ST7L: variants seen among roughly 807,000 people sequenced by gnomAD.
The protein encoded by ST7L is suppressor of tumorigenicity 7 protein-like.
In ST7L, 57 loss-of-function variants were observed where a neutral mutation model predicts 72.5. The ratio of observed to expected loss-of-function variants is 0.79; its 90% CI spans 0.64 to 0.98. The LOEUF (loss-of-function observed/expected upper bound fraction) is 0.98. ST7L is among the 50% of genes least tolerant of loss of function. The pLI, the probability that ST7L is intolerant of heterozygous loss-of-function variation, is 0.00. For synonymous variants in ST7L, 221 were observed against 240.9 expected (o/e 0.92, Z 0.77); for missense variants, 576 against 672.2 (o/e 0.86, Z 1.58).
In ST7L at chr1:112,618,258, T is replaced by C. The variant is rs185612145; in HGVS notation, c.205+651A>G. ...TCATCACTTCTTACATGTGTTCGTATTGTCAGCACAGAATACGTAGCAAGT... is the reference window on the plus strand; with the variant it reads ...TCATCACTTCTTACATGTGTTCGTACTGTCAGCACAGAATACGTAGCAAGT... On this transcript the variant is annotated intron_variant, in intron 1 of 14. Coordinates refer to ENST00000358039, the MANE Select transcript of ST7L (RefSeq NM_017744.5). 3.6e-5 allele frequency: 39 copies of C among 1,081,224 alleles called. No homozygotes were observed. In the East Asian group the frequency reaches 1.3e-3, roughly 37 times the overall value. 67.0% of individuals were successfully genotyped at this position (1,081,224 alleles called of 1,614,324 possible). A position where few individuals can be genotyped will look rare whatever the true frequency, so the allele number is the denominator to read the frequency against.
intron 6 of ST7L, 162 bp downstream of exon 6, chr1:112,591,363 C>T: frequency 3.4e-6 from 2 of 581,766 alleles, no homozygotes; most frequent in Middle Eastern, 4.6e-4. Context: ...AAGCAAAATA[C>T]AGATGTTGGC....
chr1:112,540,376 A>G, intron 14 of ST7L: 1 of 985,492 alleles, frequency 1.0e-6, no homozygotes. Flanking sequence ...TAGTAAGGTC[A>G]TTTCAGTTTG....
chr1:112,556,909 A>G (rs1659207311), intron 11 of ST7L, among the ~76,000 whole-genome samples: 1 of 135,564 alleles, frequency 7.4e-6, no homozygotes, highest in Non-Finnish European at 1.5e-5. Context: ...CGGAGGTTGC[A>G]GTGAGCCGAG....
At chr1:112,605,929 C>G (rs1385640433) in intron 3 of ST7L, among the ~76,000 whole-genome samples, 1 of 152,210 alleles carries the variant, frequency 6.6e-6, no homozygotes, top group African/African-American at 2.4e-5. Flanking sequence ...TTTGGTCATT[C>G]TTCCTTTTCT....
At chr1:112,618,443 TA>T (rs1169753395) in intron 1 of ST7L, 1 of 205,484 alleles carries the variant, frequency 4.9e-6, no homozygotes, top group East Asian at 1.8e-4. Flanking sequence ...AATCCTCAAT[TA>T]AAATCATGCC....
At position 112,584,177 on chromosome 1, in the gene ST7L, T is replaced by C. The variant is rs190274187; in HGVS notation, c.702-51A>G. On this transcript the variant is annotated intron_variant, in intron 6 of 14. Coordinates refer to ENST00000358039, the MANE Select transcript of ST7L (RefSeq NM_017744.5). ...TTAAATAAAATGGTAAAGCAAGTGT[T>C]TTCTCTTGGTTATGTCCCTTTGCTC... The C allele has an allele frequency of 5.8e-5, 90 of 1,564,960 alleles. No homozygotes were observed. In the African/African-American group the frequency reaches 1.2e-3, roughly 21 times the overall value.
Position 112,582,440 on chromosome 1 carries a change from T to C in ST7L, c.889A>G (p.Arg297Gly). The C allele has an allele frequency of 6.2e-7, 1 of 1,608,296 alleles. No homozygotes were observed. The highest frequency in any genetic ancestry group is 8.5e-7 in the Non-Finnish European group (1 of 1,176,532). The part of the protein sequence containing the change: ...RDTNVLVYIK[R>G]RLAMCARKLG... The stretch of plus-strand genomic sequence containing the variant: ...TTTCTTGCACACATTGCCAATCTTC[T>C]TTTAATATATACCAGTACATTGGTA... The change falls in exon 8 of 15, where the codon AGA becomes GGA. Residue 297 changes from arginine to glycine, a missense_variant. By Grantham distance (125) the Arg-to-Gly change is moderately radical (BLOSUM62 -2). Coordinates refer to ENST00000358039, the MANE Select transcript of ST7L (RefSeq NM_017744.5).
intron 11 of ST7L, among the ~76,000 whole-genome samples, chr1:112,567,658 CCCA>C (rs1449586656): frequency 1.3e-5 from 2 of 152,092 alleles, no homozygotes; most frequent in Non-Finnish European, 2.9e-5. Context: ...ATGATTCCCT[CCCA>C]CCACATTTAG....
chr1:112,611,895 A>G (rs563323299), intron 2 of ST7L, among the ~76,000 whole-genome samples: 1 of 149,520 alleles, frequency 6.7e-6, no homozygotes, highest in Admixed American at 6.7e-5. Flanking sequence ...CTTGAGCCCA[A>G]GGAGGTCAAG....
chr1:112,548,102 C>T (rs1470932002), intron 13 of ST7L, among the ~76,000 whole-genome samples: 1 of 151,956 alleles, frequency 6.6e-6, no homozygotes, highest in East Asian at 1.9e-4. Context: ...CACTTGTAAT[C>T]CTAGCACTTT....
At position 112,616,806 on chromosome 1, in the gene ST7L, T is replaced by C; in HGVS notation, c.288+7A>G. 5 of 1,551,540 alleles carry C rather than the reference T, an allele frequency of 3.2e-6. No homozygotes were observed. The highest frequency in any genetic ancestry group is 4.4e-6 in the Non-Finnish European group (5 of 1,141,114). Reference sequence around the variant, plus strand: ...AAACATGAAGGAAGGAAATGGAAACTACTTACAAATATTAGTCCTGATATC... The same window carrying C: ...AAACATGAAGGAAGGAAATGGAAACCACTTACAAATATTAGTCCTGATATC... On this transcript the variant is annotated splice_region_variant and intron_variant, in intron 2 of 14. Transcript: ENST00000358039.
chr1:112,610,773 TTC>T (rs1454043913), intron 3 of ST7L, 66 bp downstream of exon 3: 1 of 1,561,746 alleles, frequency 6.4e-7, no homozygotes, highest in Non-Finnish European at 8.7e-7. Context: ...GTTTTGAGTT[TTC>T]TATCTCCCAG....
intron 14 of ST7L, among the ~76,000 whole-genome samples, chr1:112,530,758 G>A (rs1163339313): frequency 6.6e-6 from 1 of 152,110 alleles, no homozygotes; most frequent in Non-Finnish European, 1.5e-5. Context: ...CATATCCCCA[G>A]TGATCCAGCT....
intron 14 of ST7L, among the ~76,000 whole-genome samples, chr1:112,538,938 G>C (rs1209133847): frequency 4.6e-5 from 7 of 152,114 alleles, no homozygotes; most frequent in Admixed American, 3.3e-4. Context: ...ACAACTAAGG[G>C]TAGAAAAGGT....
intron 3 of ST7L, among the ~76,000 whole-genome samples, chr1:112,606,942 A>G (rs75137063): frequency 2.0e-5 from 3 of 152,220 alleles, no homozygotes; most frequent in Non-Finnish European, 4.4e-5. Flanking sequence ...ATTAGAGGTT[A>G]GAGTTTCAAC....
chr1:112,528,586 G>T (rs1314231067), intron 14 of ST7L: 5 of 152,228 alleles, frequency 3.3e-5, no homozygotes, highest in Non-Finnish European at 7.3e-5. Flanking sequence ...CTAAGTAAGA[G>T]ATATCAAATA....
intron 1 of ST7L, chr1:112,618,443 T>A: frequency 4.9e-6 from 1 of 205,602 alleles, no homozygotes; most frequent in Non-Finnish European, 8.8e-6. Flanking sequence ...AATCCTCAAT[T>A]AAAATCATGC....
chr1:112,533,553 A>G (rs1473065362), intron 14 of ST7L, among the ~76,000 whole-genome samples: 1 of 152,100 alleles, frequency 6.6e-6, no homozygotes, highest in Non-Finnish European at 1.5e-5. Flanking sequence ...TTGACTCATG[A>G]TCCACCTGCC....
chr1:112,525,948 C>T lies in ST7L; in HGVS notation c.*65G>A. The T allele has an allele frequency of 6.2e-7, 1 of 1,603,234 alleles. No homozygotes were observed. The highest frequency in any genetic ancestry group is 8.5e-7 in the Non-Finnish European group (1 of 1,172,464). Reference sequence around the variant, plus strand: ...AACCCTGTGAGGTAGGGGTTACTGTCACTTTACAGATGCTGTTCAGAAAAA... The same window carrying T: ...AACCCTGTGAGGTAGGGGTTACTGTTACTTTACAGATGCTGTTCAGAAAAA... On this transcript the variant is annotated 3_prime_UTR_variant, in exon 15 of 15. Coordinates refer to ENST00000358039, the MANE Select transcript of ST7L (RefSeq NM_017744.5).
Sources: gnomAD v4.1 joint callset for allele counts (sites outside exome capture counted in the v4.1 genomes callset) on GRCh38, gnomAD v4.1.1 for gene constraint, MANE v1.5 for transcripts, NCBI Gene and HGNC (gene_info 2026-07-23, HGNC 2026-07-21) for gene names.